Variants in ZNF568 observed in about 807,000 individuals in gnomAD.
ZNF568 encodes p53 inhibitor of SCO2 activation.
A neutral mutation model predicts 18.1 loss-of-function variants in ZNF568; 11 were observed. The observed-to-expected ratio is 0.61, with a 90% CI of 0.38 to 1.00. ZNF568 has a LOEUF of 1.00. Among genes scored for constraint, ZNF568 ranks in the 50% least tolerant of loss-of-function variants. The pLI is 0.01. For missense variants in ZNF568, 639 were observed against 768.2 expected (o/e 0.83, Z 1.99); for synonymous variants, 213 against 246.6 (o/e 0.86, Z 1.28).
At chr19:36,924,818 G>A (rs1191298327) in intron 3 of ZNF568, among the ~76,000 whole-genome samples, 1 of 149,532 alleles carries the variant, frequency 6.7e-6, no homozygotes, top group Non-Finnish European at 1.5e-5. Context: ...ACGGCAGAGT[G>A]AGACTCCATC....
At chr19:36,925,420 A>G (rs1171896792) in intron 4 of ZNF568, among the ~76,000 whole-genome samples, 162 bp downstream of exon 4, 2 of 152,236 alleles carry the variant, frequency 1.3e-5, no homozygotes, top group African/African-American at 2.4e-5. Flanking sequence ...AGATATGGCT[A>G]TGCAGAAGCA....
intron 6 of ZNF568, among the ~76,000 whole-genome samples, chr19:36,966,202 C>T (rs1468715187): frequency 6.6e-6 from 1 of 152,066 alleles, no homozygotes; most frequent in African/African-American, 2.4e-5. Flanking sequence ...ACGAGAATCG[C>T]TTAAACTGGG....
chr19:36,930,212 T>C (rs774468272), intron 4 of ZNF568, among the ~76,000 whole-genome samples: 1 of 107,518 alleles, frequency 9.3e-6, no homozygotes, highest in Non-Finnish European at 1.9e-5. Flanking sequence ...GGATGCAATT[T>C]CTTTTTTTTT....
At chr19:36,995,562 T>C (rs918622985) in intron 4 of ZNF568, among the ~76,000 whole-genome samples, 2 of 152,182 alleles carry the variant, frequency 1.3e-5, no homozygotes, top group African/African-American at 4.8e-5. Flanking sequence ...GGATTTACAA[T>C]TGGTATTGTG....
chr19:36,950,158 A>T lies in ZNF568; in HGVS notation c.1005A>T (p.Glu335Asp). 2.5e-6 allele frequency: 4 copies of T among 1,613,954 alleles called. No individual in the cohort carries two copies. Among genetic ancestry groups the T allele is most frequent in the Non-Finnish European group, 3.4e-6 (4 of 1,179,934 alleles). ...ERIHTGEKPY[E>D]CKECGKSFSQ... ...TTCACACTGGAGAGAAACCCTATGAATGTAAGGAATGTGGGAAATCCTTCA... is the reference window on the plus strand; with the variant it reads ...TTCACACTGGAGAGAAACCCTATGATTGTAAGGAATGTGGGAAATCCTTCA... The change falls in exon 7 of 7, where the codon GAA (glutamate) becomes GAT (aspartate). Residue 335 changes from glutamate to aspartate, a missense_variant. Transcript: ENST00000333987.
At chr19:36,934,037 A>C (rs910890376) in intron 4 of ZNF568, among the ~76,000 whole-genome samples, 2 of 133,014 alleles carry the variant, frequency 1.5e-5, no homozygotes, top group African/African-American at 2.8e-5. Flanking sequence ...CATTTCATCT[A>C]CTCTAGTTTG....
intron 2 of ZNF568, among the ~76,000 whole-genome samples, chr19:36,990,741 C>T (rs2074416738): frequency 6.6e-6 from 1 of 152,182 alleles, no homozygotes; most frequent in Admixed American, 6.5e-5. Flanking sequence ...ATCATGCAGC[C>T]AGTAAAATTG....
rs2074056073 is a variant in ZNF568, at chr19:36,951,248, C to T, written c.*160C>T. 1 of 607,016 alleles carries T rather than the reference C, an allele frequency of 1.6e-6. No homozygotes were observed. Among genetic ancestry groups the T allele is most frequent in the African/African-American group, 1.9e-5 (1 of 51,866 alleles). The allele number at this position is 607,016 out of a possible 1,614,324, so 37.6% of individuals were successfully genotyped here. A position where few individuals can be genotyped will look rare whatever the true frequency, so the allele number is the denominator to read the frequency against. Reference sequence around the variant, plus strand: ...ATACCATATACATAGATGGAAAAACCCAGTATTATAAAAACCTCAATTCTG... The same window carrying T: ...ATACCATATACATAGATGGAAAAACTCAGTATTATAAAAACCTCAATTCTG... On this transcript the variant is annotated 3_prime_UTR_variant, in exon 7 of 7. Coordinates refer to ENST00000333987, the MANE Select transcript of ZNF568 (RefSeq NM_198539.4).
intron 6 of ZNF568, among the ~76,000 whole-genome samples, chr19:36,967,103 A>G (rs2074200525): frequency 6.6e-6 from 1 of 152,202 alleles, no homozygotes; most frequent in African/African-American, 2.4e-5. Flanking sequence ...CTGAGCTACA[A>G]CCACATTCAG....
intron 6 of ZNF568, among the ~76,000 whole-genome samples, chr19:36,967,856 T>C (rs1202359295): frequency 6.6e-6 from 1 of 152,204 alleles, no homozygotes; most frequent in Non-Finnish European, 1.5e-5. Flanking sequence ...ATGTCCACAG[T>C]AAAGAATCTC....
intron 6 of ZNF568, among the ~76,000 whole-genome samples, chr19:36,942,732 T>C (rs565411773): frequency 6.6e-6 from 1 of 152,168 alleles, no homozygotes; most frequent in East Asian, 1.9e-4. Context: ...CACTCCAGTT[T>C]TGTTTTGTTT....
intron 2 of ZNF568, among the ~76,000 whole-genome samples, chr19:36,986,307 T>G (rs1222951610): frequency 6.6e-6 from 1 of 152,052 alleles, no homozygotes; most frequent in Non-Finnish European, 1.5e-5. Context: ...AGTATGGAAT[T>G]AATTAGACCC....
chr19:36,936,767 G>A lies in ZNF568; in HGVS notation c.157G>A (p.Val53Met). ...RPLETVTFKD[V>M]AVDLTQEEWE... ...ACAGGAAACAGTGACATTTAAGGAT[G>A]TGGCTGTTGACCTTACCCAGGAGGA... The change falls in exon 5 of 7, where the codon GTG (valine) becomes ATG (methionine). Residue 53 changes from valine to methionine, a missense_variant. Coordinates refer to ENST00000333987, the MANE Select transcript of ZNF568 (RefSeq NM_198539.4). 6.2e-7 allele frequency: 1 copy of A among 1,613,568 alleles called. No individual in the cohort carries two copies. The highest frequency in any genetic ancestry group is 8.5e-7 in the Non-Finnish European group (1 of 1,179,624).
chr19:36,997,448 CTG>C, downstream of ZNF568: 4 of 1,589,334 alleles, frequency 2.5e-6, no homozygotes, highest in Non-Finnish European at 3.4e-6. Flanking sequence ...AAAGTTCACA[CTG>C]GGGAGAGACC....
chr19:36,935,559 CA>C (rs35289380), intron 4 of ZNF568, among the ~76,000 whole-genome samples: 24,339 of 127,024 alleles, frequency 0.19, 2,051 homozygotes, highest in Middle Eastern at 0.23. Flanking sequence ...GACTCTGTAT[CA>C]AAAAAAAAAA....
chr19:36,955,377 TA>T (rs112804926), downstream of ZNF568, among the ~76,000 whole-genome samples: 54,345 of 151,658 alleles, frequency 0.36, 9,975 homozygotes, highest in African/African-American at 0.41. Context: ...AGGACAACCT[TA>T]GATTTCTCTT....
chr19:36,950,822 C>T lies in ZNF568; in HGVS notation c.1669C>T (p.Pro557Ser). Residue 557 changes from proline (P) to serine (S), a missense_variant, in exon 7 of 7, where the codon CCA becomes TCA. Transcript: ENST00000333987. Reference sequence around the variant, plus strand: ...TGAAAAAATTCATACTGGAGAGAAACCATTCAAATGTAATGAATGTGGTAA... The same window carrying T: ...TGAAAAAATTCATACTGGAGAGAAATCATTCAAATGTAATGAATGTGGTAA... ...EHEKIHTGEKPFKCNECGKAF... is the reference protein window; with the variant it reads ...EHEKIHTGEKSFKCNECGKAF... The T allele has an allele frequency of 1.9e-6, 3 of 1,613,806 alleles. No homozygotes were observed. Among genetic ancestry groups the T allele is most frequent in the African/African-American group, 1.3e-5 (1 of 75,022 alleles).
intron 6 of ZNF568, among the ~76,000 whole-genome samples, chr19:36,966,642 G>T (rs2074196983): frequency 6.6e-6 from 1 of 152,222 alleles, no homozygotes; most frequent in African/African-American, 2.4e-5. Flanking sequence ...GTGATATTAA[G>T]CTTTGTCAGT....
In ZNF568 at chr19:36,916,571, A is replaced by T. The variant is rs1600750983; in HGVS notation, c.-276A>T. 1 of 152,424 alleles carries T rather than the reference A, an allele frequency of 6.6e-6. No individual in the cohort carries two copies. Among genetic ancestry groups the T allele is most frequent in the African/African-American group, 2.4e-5 (1 of 41,400 alleles). The allele number at this position is 152,424 out of a possible 1,614,324, so 9.4% of individuals were successfully genotyped here. A position where few individuals can be genotyped will look rare whatever the true frequency, so the allele number is the denominator to read the frequency against. On this transcript the variant is annotated 5_prime_UTR_variant, in exon 1 of 7. Coordinates refer to ENST00000333987, the MANE Select transcript of ZNF568 (RefSeq NM_198539.4). The surrounding 1 kb of genome is among the most constrained non-coding windows in gnomAD (Gnocchi z 5.3). Reference sequence around the variant, plus strand: ...AGTGTCCCGAGTAGCGGCAGTGGGGAGTGCTCAGGGTACGCTAATGGTGAG... The same window carrying T: ...AGTGTCCCGAGTAGCGGCAGTGGGGTGTGCTCAGGGTACGCTAATGGTGAG...
Sources: gnomAD v4.1 joint callset for allele counts (sites outside exome capture counted in the v4.1 genomes callset) on GRCh38, gnomAD v4.1.1 for gene constraint, Gnocchi (gnomAD v3.1) non-coding constraint, MANE v1.5 for transcripts, NCBI Gene and HGNC (gene_info 2026-07-23, HGNC 2026-07-21) for gene names.